Variants in UROS observed in about 807,000 individuals in gnomAD.
UROS encodes the protein uroporphyrinogen-III synthase.
A neutral mutation model predicts 33.0 loss-of-function variants in UROS; 18 were observed. The ratio of observed to expected loss-of-function variants is 0.55; its 90% confidence interval spans 0.38 to 0.81. The LOEUF is 0.81. UROS is among the 30% of genes least tolerant of loss of function. The pLI is 0.00. For synonymous variants in UROS, 114 were observed against 121.1 expected, an observed-to-expected ratio of 0.94 and a Z score of 0.38; for missense variants, 293 against 314.9, an observed-to-expected ratio of 0.93 and a Z score of 0.53.
At chr10:125,796,918 CA>C (rs1851417826) in intron 7 of UROS, 1 of 913,314 alleles carries the variant, frequency 1.1e-6, no homozygotes, top group South Asian at 5.0e-5. Flanking sequence ...CATAAAACAG[CA>C]ACCTATTGCC....
chr10:125,806,630 A>T (rs1212492029), intron 6 of UROS, among the ~76,000 whole-genome samples: 1 of 152,216 alleles, frequency 6.6e-6, no homozygotes, highest in African/African-American at 2.4e-5. Flanking sequence ...CCAGCTCATG[A>T]TCTCTAGGAA....
At chr10:125,797,725 T>G (rs1851482601) in intron 7 of UROS, among the ~76,000 whole-genome samples, 1 of 152,082 alleles carries the variant, frequency 6.6e-6, no homozygotes, top group Non-Finnish European at 1.5e-5. Context: ...TAGACTTTCT[T>G]CTACATGTGG....
At chr10:125,814,082 A>G (rs946389444) in intron 4 of UROS, among the ~76,000 whole-genome samples, 2 of 152,352 alleles carry the variant, frequency 1.3e-5, no homozygotes, top group East Asian at 3.9e-4. Context: ...AAGTGAAAAT[A>G]CTAAGCACAT....
chr10:125,821,136 A>C (rs1853840294), intron 1 of UROS, among the ~76,000 whole-genome samples: 1 of 152,232 alleles, frequency 6.6e-6, no homozygotes, highest in Non-Finnish European at 1.5e-5. Flanking sequence ...CCCCTGCTAC[A>C]TATATACCCC....
chr10:125,794,641 A>C (rs1451463264), intron 9 of UROS, among the ~76,000 whole-genome samples: 6 of 152,114 alleles, frequency 3.9e-5, no homozygotes, highest in Non-Finnish European at 5.9e-5. Flanking sequence ...AAGACCATAC[A>C]CATGTCTATG....
At chr10:125,814,589 C>T (rs534403526) in intron 4 of UROS, among the ~76,000 whole-genome samples, 2 of 152,236 alleles carry the variant, frequency 1.3e-5, no homozygotes, top group South Asian at 4.2e-4. Context: ...CAGGCTGAAA[C>T]CCAGGGTTCT....
intron 6 of UROS, chr10:125,802,560 C>T (rs1304738483): frequency 9.9e-7 from 1 of 1,009,512 alleles, no homozygotes; most frequent in Non-Finnish European, 1.2e-6. Flanking sequence ...CTTCCGAGAA[C>T]ACCATGTGGC....
In UROS at chr10:125,794,946, G is replaced by A. The variant is rs770207890; in HGVS notation, c.594C>T (p.Pro198=). ...GVPASITFFS[P]SGLTYSLKHI... is the part of the protein sequence containing the mutation. ...GCTTGAGACTGTATGTGAGGCCAGA[G>A]GGACTAAAAAATGTGATGCTGGCTG... Residue 198 remains proline (P), a synonymous_variant, in exon 9 of 10, where the codon CCC becomes CCT. Coordinates refer to ENST00000368797, the MANE Select transcript of UROS (RefSeq NM_000375.3). The A allele has an allele frequency of 6.8e-6, 11 of 1,614,206 alleles. No homozygotes were observed. The highest frequency in any genetic ancestry group is 9.3e-6 in the Non-Finnish European group (11 of 1,180,030).
intron 6 of UROS, among the ~76,000 whole-genome samples, chr10:125,798,889 G>C (rs1851579804): frequency 6.6e-6 from 1 of 152,202 alleles, no homozygotes; most frequent in African/African-American, 2.4e-5. Context: ...GTCCAAAAAA[G>C]CTGATAAGTT....
chr10:125,808,286 C>T (rs1852507424), intron 5 of UROS, among the ~76,000 whole-genome samples: 1 of 152,226 alleles, frequency 6.6e-6, no homozygotes, highest in East Asian at 1.9e-4. Flanking sequence ...GGGCTTTCCA[C>T]TTAGGAGTCA....
intron 5 of UROS, 143 bp downstream of exon 5, chr10:125,812,071 C>A: frequency 1.4e-6 from 1 of 712,504 alleles, no homozygotes; most frequent in Non-Finnish European, 2.3e-6. Context: ...TCACTGCATT[C>A]TTATCAGTAG....
chr10:125,794,487 G>T (rs1487146164), intron 9 of UROS: 13 of 505,118 alleles, frequency 2.6e-5, no homozygotes, highest in Admixed American at 5.1e-5. Context: ...TGAAAAAGGT[G>T]ACTGCTTTTA....
At chr10:125,790,217 A>G (rs148608936) in intron 9 of UROS, among the ~76,000 whole-genome samples, 62 of 152,318 alleles carry the variant, frequency 4.1e-4, no homozygotes, top group Non-Finnish European at 7.6e-4. Context: ...TTGCTTAGGA[A>G]ACTCCCTGAG....
chr10:125,803,490 A>T (rs1852019313), intron 6 of UROS, among the ~76,000 whole-genome samples: 1 of 152,218 alleles, frequency 6.6e-6, no homozygotes. Flanking sequence ...TGTAGGTTTT[A>T]AAGAATGCTC....
chr10:125,820,637 G>C (rs565791766), intron 1 of UROS, among the ~76,000 whole-genome samples: 7 of 152,302 alleles, frequency 4.6e-5, no homozygotes, highest in African/African-American at 1.7e-4. Context: ...CATTTTACAT[G>C]CAAGACTGCA....
At chr10:125,789,493 C>T (rs540608769) in intron 9 of UROS, 4 of 532,442 alleles carry the variant, frequency 7.5e-6, no homozygotes, top group South Asian at 5.6e-5. Context: ...ATGACCTTGG[C>T]CCGTGGCCCA....
At chr10:125,800,816 T>C (rs1851787923) in intron 6 of UROS, among the ~76,000 whole-genome samples, 1 of 152,138 alleles carries the variant, frequency 6.6e-6, no homozygotes, top group Admixed American at 6.5e-5. Flanking sequence ...GTGATCCACC[T>C]GCCTCGGCCT....
chr10:125,815,845 C>T (rs1371863900), intron 3 of UROS, among the ~76,000 whole-genome samples: 1 of 152,168 alleles, frequency 6.6e-6, no homozygotes, highest in East Asian at 1.9e-4. Context: ...CCCTGGCCTG[C>T]TTTGCAGAAG....
intron 6 of UROS, chr10:125,802,638 C>T (rs1851939854): frequency 9.1e-7 from 1 of 1,102,550 alleles, no homozygotes; most frequent in Non-Finnish European, 1.1e-6. Flanking sequence ...CTTTCTACCA[C>T]AGATTACAGT....
Sources: gnomAD v4.1 joint callset for allele counts (sites outside exome capture counted in the v4.1 genomes callset) on GRCh38, gnomAD v4.1.1 for gene constraint, MANE v1.5 for transcripts, NCBI Gene and HGNC (gene_info 2026-07-23, HGNC 2026-07-21) for gene names.